Variants in UBTF observed in about 807,000 individuals in gnomAD.
The protein encoded by UBTF is upstream binding transcription factor.
In UBTF, 8 loss-of-function variants were observed where a neutral mutation model predicts 112.3. That is an observed-to-expected ratio of 0.07 (90% CI 0.04 to 0.13). The LOEUF (loss-of-function observed/expected upper bound fraction) is 0.13, where lower values mean the gene tolerates loss of function less well. UBTF is among the 10% of genes least tolerant of loss of function. UBTF has a pLI of 1.00. For synonymous variants in UBTF, 417 were observed against 373.1 expected (o/e 1.12, Z -1.36); for missense variants, 457 against 982.1 (o/e 0.47, Z 7.15).
chr17:44,211,085 T>A lies in UBTF; in HGVS notation c.1157A>T (p.Gln386Leu). The A allele has an allele frequency of 6.2e-7, 1 of 1,612,950 alleles. No individual in the cohort carries two copies. Among genetic ancestry groups the A allele is most frequent in the Non-Finnish European group, 8.5e-7 (1 of 1,179,974 alleles). Residue 386 changes from glutamine to leucine, a missense_variant, in exon 12 of 21, where the codon CAG (glutamine) becomes CTG (leucine). By Grantham distance (113) the Gln-to-Leu change is moderately radical. Coordinates refer to ENST00000436088, the MANE Select transcript of UBTF (RefSeq NM_014233.4). The surrounding 1 kb of genome is among the most constrained non-coding windows in gnomAD (Gnocchi z 4.9). ...CTTCTTGGAGGCGGGGCTGGTGGCC[T>A]GCTTCTTGTTGATGTTCAGCATCTT... Reference protein sequence around the residue: ...EEKMLNINKKQATSPASKKPA... With the variant: ...EEKMLNINKKLATSPASKKPA...
At chr17:44,212,603 C>T (rs1179879467) in intron 7 of UBTF, 149 bp from the exon 8 acceptor site, 12 of 1,050,196 alleles carry the variant, frequency 1.1e-5, no homozygotes, top group Non-Finnish European at 1.6e-5. Context: ...GGCGGAGAGG[C>T]GGGGATCCCG....
At chr17:44,219,063 G>A (rs2047022429) in intron 1 of UBTF, 1 of 144,890 alleles carries the variant, frequency 6.9e-6, no homozygotes, top group Admixed American at 6.9e-5. Context: ...CTCCTCCCCC[G>A]AGCCTGCGGC....
chr17:44,207,992 G>A (rs1889432062), intron 17 of UBTF, 81 bp from the exon 18 acceptor site: 4 of 1,577,540 alleles, frequency 2.5e-6, no homozygotes, highest in East Asian at 2.2e-5. Flanking sequence ...CTAGGCAGTG[G>A]GCTGAGCATT....
In UBTF at chr17:44,207,126, A is replaced by T; in HGVS notation, c.*116T>A. On this transcript the variant is annotated 3_prime_UTR_variant, in exon 21 of 21. Coordinates refer to ENST00000436088, the MANE Select transcript of UBTF (RefSeq NM_014233.4). ...TTTTTTTTTTTTTTTAAAGAAAGAA[A>T]GAAAGTGGGGGAGGCCAGGGGGGCA... 2 of 1,138,216 alleles carry T rather than the reference A, an allele frequency of 1.8e-6. No homozygotes were observed. Among genetic ancestry groups the T allele is most frequent in the Non-Finnish European group, 2.5e-6 (2 of 811,300 alleles). 70.5% of individuals were successfully genotyped at this position (1,138,216 alleles called of 1,614,324 possible). A position where few individuals can be genotyped will look rare whatever the true frequency, so the allele number is the denominator to read the frequency against.
upstream of UBTF, chr17:44,219,805 AGCGGGAGGGGGG>A (rs2047080549): frequency 1.7e-5 from 2 of 114,336 alleles, 1 homozygote; most frequent in South Asian, 5.7e-4. Context: ...GAGGAGGAGG[AGCGGGAGGGGGG>A]GCGGGAGAAG....
At chr17:44,215,853 T>C (rs368111923) in intron 4 of UBTF, 44 bp from the exon 5 acceptor site, 38 of 1,613,958 alleles carry the variant, frequency 2.4e-5, no homozygotes, top group Non-Finnish European at 3.2e-5. Flanking sequence ...AATACATCCC[T>C]TCTTTGGACC....
chr17:44,211,452 C>T lies in UBTF; in HGVS notation c.1048-121G>A, dbSNP rs544975504. On this transcript the variant is annotated intron_variant, in intron 10 of 20. Transcript: ENST00000436088. The surrounding 1 kb of genome is among the most constrained non-coding windows in gnomAD (Gnocchi z 4.9). Reference sequence around the variant, plus strand: ...GCCTGGGTGTGGGCTGGACTCCCTGCCTGGACGGGCTCAGTTGCTAAGCCC... The same window carrying T: ...GCCTGGGTGTGGGCTGGACTCCCTGTCTGGACGGGCTCAGTTGCTAAGCCC... 2.2e-5 allele frequency: 35 copies of T among 1,564,290 alleles called. No individual in the cohort carries two copies. The highest frequency in any genetic ancestry group is 6.7e-5 in the African/African-American group (5 of 74,116).
chr17:44,210,210 C>T lies in UBTF; in HGVS notation c.1540G>A (p.Ala514Thr). The change falls in exon 15 of 21, where the codon GCC (alanine) becomes ACC (threonine). Residue 514 changes from alanine to threonine, a missense_variant. This residue lies in a region of UBTF where 77 missense variants were observed against 211.9 expected (regional missense o/e 0.36). Coordinates refer to ENST00000436088, the MANE Select transcript of UBTF (RefSeq NM_014233.4). ...FKNDRVKALK[A>T]MEMTWNNMEK... Reference sequence around the variant, plus strand: ...ATGTTATTCCAGGTCATTTCCATGGCTTTCAAGGCCTTCACCCGGTCATTC... The same window carrying T: ...ATGTTATTCCAGGTCATTTCCATGGTTTTCAAGGCCTTCACCCGGTCATTC... The T allele has an allele frequency of 6.2e-7, 1 of 1,614,246 alleles. No homozygotes were observed. The highest frequency in any genetic ancestry group is 1.3e-5 in the African/African-American group (1 of 75,054).
chr17:44,212,350 C>T lies in UBTF; in HGVS notation c.765G>A (p.Glu255=), dbSNP rs768028602. 6.2e-7 allele frequency: 1 copy of T among 1,612,786 alleles called. No homozygotes were observed. Among genetic ancestry groups the T allele is most frequent in the Middle Eastern group, 1.8e-4 (1 of 5,466 alleles). Residue 255 remains glutamate, a synonymous_variant, in exon 8 of 21, where the codon GAG becomes GAA. Transcript: ENST00000436088. The part of the protein sequence containing the change: ...WIHKALEQRK[E]YEEIMRDYIQ... The stretch of plus-strand genomic sequence containing the variant: ...AGCGCAGCGGAAGCCTAACCTCGTA[C>T]TCCTTCCGCTGCTCCAGGGCCTTAT...
chr17:44,212,684 C>T, intron 7 of UBTF, 135 bp downstream of exon 7: 1 of 1,475,416 alleles, frequency 6.8e-7, no homozygotes, highest in Non-Finnish European at 9.2e-7. Flanking sequence ...CTGGCCCGGG[C>T]CCTGTCCATG....
chr17:44,210,608 C>G, intron 13 of UBTF, 135 bp from the exon 14 acceptor site: 1 of 1,391,556 alleles, frequency 7.2e-7, no homozygotes, highest in Non-Finnish European at 9.4e-7. Context: ...GGGCTCGCCC[C>G]CGCCTGGTCT....
chr17:44,207,320 CTCA>C lies in UBTF; in HGVS notation c.2214_2216del (p.Asp738del). 6.2e-7 allele frequency: 1 copy of C among 1,612,634 alleles called. No homozygotes were observed. Among genetic ancestry groups the C allele is most frequent in the Non-Finnish European group, 8.5e-7 (1 of 1,179,460 alleles). ...TGCCCTCGGACTCATTATCTTCATC[CTCA>C]TCGTCATCCTCGTCGTCGTCTTCGT... is the stretch of plus-strand genomic sequence containing the variant. On this transcript the variant is annotated inframe_deletion, in exon 21 of 21. Transcript: ENST00000436088.
rs2047052762 is a variant in UBTF, at chr17:44,219,463, C to G, written c.-86G>C. The G allele has an allele frequency of 6.6e-6, 1 of 152,454 alleles. No homozygotes were observed. Among genetic ancestry groups the G allele is most frequent in the African/African-American group, 2.4e-5 (1 of 41,362 alleles). 9.4% of individuals were successfully genotyped at this position (152,454 alleles called of 1,614,324 possible). ...CGGTTACCCGGCGCAGCGCGGCCTC[C>G]GGGCTTCCCGCTCCAGCGGCTCCCT... On this transcript the variant is annotated 5_prime_UTR_variant, in exon 1 of 21. Coordinates refer to ENST00000436088, the MANE Select transcript of UBTF (RefSeq NM_014233.4).
chr17:44,210,666 C>A, intron 13 of UBTF, 126 bp downstream of exon 13: 2 of 1,402,686 alleles, frequency 1.4e-6, no homozygotes, highest in Non-Finnish European at 1.9e-6. Flanking sequence ...TGGGCGCCGG[C>A]CCCACGTCCC....
At chr17:44,212,524 G>A (rs2056755040) in intron 7 of UBTF, 70 bp from the exon 8 acceptor site, 2 of 547,396 alleles carry the variant, frequency 3.7e-6, no homozygotes, top group Non-Finnish European at 3.1e-6. Context: ...GGGGAAGGGG[G>A]CACAGAGGCC....
chr17:44,217,662 A>T (rs765116579), intron 2 of UBTF, among the ~76,000 whole-genome samples: 1 of 152,182 alleles, frequency 6.6e-6, no homozygotes, highest in Non-Finnish European at 1.5e-5. Context: ...GTCCAGCTTC[A>T]TCCTACTCTC....
chr17:44,215,795 G>A lies in UBTF; in HGVS notation c.333C>T (p.Phe111=). 1 of 1,614,154 alleles carries A rather than the reference G, an allele frequency of 6.2e-7. No individual in the cohort carries two copies. Among genetic ancestry groups the A allele is most frequent in the Non-Finnish European group, 8.5e-7 (1 of 1,180,020 alleles). ...KGKKLKKHPD[F]PKKPLTPYFR... ...AATAAGGGGTCAGGGGCTTCTTTGG[G>A]AAGTCTGGGTGTTTCTGGAAGAAGG... The change falls in exon 5 of 21, where the codon TTC becomes TTT. Residue 111 remains phenylalanine (F), a synonymous_variant. Transcript: ENST00000436088.
chr17:44,216,864 CTG>C (rs1332413087), intron 2 of UBTF, among the ~76,000 whole-genome samples, 160 bp from the exon 3 acceptor site: 4 of 152,216 alleles, frequency 2.6e-5, no homozygotes, highest in African/African-American at 9.7e-5. Context: ...CCTAAGGAAA[CTG>C]TGGCCATATT....
chr17:44,207,712 A>G lies in UBTF; in HGVS notation c.2012T>C (p.Leu671Pro). 1 of 1,614,144 alleles carries G rather than the reference A, an allele frequency of 6.2e-7. No homozygotes were observed. The highest frequency in any genetic ancestry group is 8.5e-7 in the Non-Finnish European group (1 of 1,180,020). The change falls in exon 19 of 21, where the codon CTG becomes CCG. Residue 671 changes from leucine (L) to proline (P), a missense_variant. Leu to Pro is a moderately conservative substitution (Grantham distance 98). This residue lies in a region of UBTF where 139 missense variants were observed against 157.5 expected (regional missense o/e 0.88). Coordinates refer to ENST00000436088, the MANE Select transcript of UBTF (RefSeq NM_014233.4). ...GGGGCTCCTTACCGACTTGGACTGC[A>G]GAGTAGTCCGGCTGGATTTGGGGTT... ...GPNPKSSRTT[L>P]QSKSESEEDD...
Sources: allele counts gnomAD v4.1 joint callset (sites outside exome capture counted in the v4.1 genomes callset), GRCh38; gene constraint gnomAD v4.1.1; regional missense constraint gnomAD v4.1.1; non-coding constraint Gnocchi (gnomAD v3.1); transcripts MANE v1.5; gene names NCBI Gene and HGNC (gene_info 2026-07-23, HGNC 2026-07-21).